The following LOC128462377 variants were observed in gnomAD, a reference collection of about 807,000 sequenced individuals.
chr16:89,323,800 G>A, the LOC128462377 span: 1 of 243,418 alleles, frequency 4.1e-6, no homozygotes, highest in South Asian at 4.6e-5. Context: ...CCCTCCTCAG[G>A]GCCACACCAA....
chr16:89,417,231 C>G, the LOC128462377 span, among the ~76,000 whole-genome samples: 1 of 152,342 alleles, frequency 6.6e-6, no homozygotes, highest in African/African-American at 2.4e-5. Context: ...AACTATGAAG[C>G]TCCCGAAAGA....
the LOC128462377 span, among the ~76,000 whole-genome samples, chr16:89,326,874 C>A: frequency 6.6e-6 from 1 of 152,238 alleles, no homozygotes; most frequent in African/African-American, 2.4e-5. Context: ...CTGCTGGTGG[C>A]ATCCGGGCAC....
the LOC128462377 span, among the ~76,000 whole-genome samples, chr16:89,411,711 C>T: frequency 1.3e-5 from 2 of 152,128 alleles, no homozygotes; most frequent in South Asian, 4.1e-4. Flanking sequence ...ATTCGGAACC[C>T]ACCACTATCC....
the LOC128462377 span, chr16:89,323,313 A>G: frequency 1.2e-5 from 15 of 1,288,788 alleles, no homozygotes; most frequent in African/African-American, 1.5e-5. Flanking sequence ...CCTATGACCC[A>G]CAGCACTGTG....
chr16:89,378,541 C>T, the LOC128462377 span, among the ~76,000 whole-genome samples: 1 of 152,142 alleles, frequency 6.6e-6, no homozygotes, highest in Non-Finnish European at 1.5e-5. Context: ...AATGTACGTG[C>T]TATAAGGCTA....
At chr16:89,372,451 C>T in the LOC128462377 span, among the ~76,000 whole-genome samples, 13 of 152,124 alleles carry the variant, frequency 8.5e-5, no homozygotes, top group African/African-American at 2.9e-4. Flanking sequence ...CGGCTCAGGG[C>T]ACCAGCTGCC....
chr16:89,371,464 C>A, the LOC128462377 span, among the ~76,000 whole-genome samples: 1 of 152,334 alleles, frequency 6.6e-6, no homozygotes, highest in East Asian at 1.9e-4. Context: ...GGGCCGCTGA[C>A]GCCAGCAGCT....
chr16:89,331,174 G>A, the LOC128462377 span, among the ~76,000 whole-genome samples: 308 of 152,248 alleles, frequency 2.0e-3, 1 homozygote, highest in Middle Eastern at 6.8e-3. Context: ...GGCTGGTCTC[G>A]AACTCCTGAC....
chr16:89,365,370 C>A, the LOC128462377 span, among the ~76,000 whole-genome samples: 142 of 152,186 alleles, frequency 9.3e-4, no homozygotes, highest in Non-Finnish European at 1.5e-4. Context: ...AAATCACTGG[C>A]TGCAAAGCAC....
the LOC128462377 span, among the ~76,000 whole-genome samples, chr16:89,397,822 G>A: frequency 9.4e-4 from 143 of 152,326 alleles, 1 homozygote; most frequent in Admixed American, 4.2e-3. Context: ...AGGGACAAGC[G>A]GCCCGTGCCA....
At chr16:89,387,444 G>T in the LOC128462377 span, among the ~76,000 whole-genome samples, 1 of 150,232 alleles carries the variant, frequency 6.7e-6, no homozygotes. Flanking sequence ...AGGCTGAGGC[G>T]GGCAGATCAC....
At chr16:89,345,698 A>G in the LOC128462377 span, among the ~76,000 whole-genome samples, 1 of 152,250 alleles carries the variant, frequency 6.6e-6, no homozygotes, top group African/African-American at 2.4e-5. Context: ...CTGGCTCAGC[A>G]CGAGCTGAGT....
At chr16:89,395,500 G>A in the LOC128462377 span, among the ~76,000 whole-genome samples, 4 of 152,200 alleles carry the variant, frequency 2.6e-5, no homozygotes, top group African/African-American at 7.2e-5. Context: ...AGGAACAGAC[G>A]CACAGACCCA....
At chr16:89,349,134 TAAA>T in the LOC128462377 span, among the ~76,000 whole-genome samples, 8 of 16,578 alleles carry the variant, frequency 4.8e-4, no homozygotes, top group African/African-American at 8.4e-4. Context: ...TCTCAAAAAG[TAAA>T]AAAAAAAAAA....
chr16:89,374,115 G>A, the LOC128462377 span, among the ~76,000 whole-genome samples: 1 of 152,196 alleles, frequency 6.6e-6, no homozygotes, highest in African/African-American at 2.4e-5. Flanking sequence ...TAGTTTTACT[G>A]GTGATTTTCT....
chr16:89,341,280 C>T, the LOC128462377 span, among the ~76,000 whole-genome samples: 1 of 152,190 alleles, frequency 6.6e-6, no homozygotes, highest in Non-Finnish European at 1.5e-5. Context: ...CCATTTCTCT[C>T]TGCATTAAAT....
the LOC128462377 span, among the ~76,000 whole-genome samples, chr16:89,345,938 T>C: frequency 3.0e-3 from 461 of 151,720 alleles, 4 homozygotes; most frequent in African/African-American, 0.01. Context: ...AGCCTCTGAG[T>C]AAAGAACAAG....
chr16:89,377,079 G>C, the LOC128462377 span, among the ~76,000 whole-genome samples: 1 of 152,202 alleles, frequency 6.6e-6, no homozygotes, highest in Non-Finnish European at 1.5e-5. Context: ...GTAAGGAACT[G>C]CCTTAAATGT....
At chr16:89,366,008 G>A in the LOC128462377 span, among the ~76,000 whole-genome samples, 3 of 151,848 alleles carry the variant, frequency 2.0e-5, no homozygotes, top group Non-Finnish European at 4.4e-5. Context: ...AGGGCCTCCA[G>A]GCTCTATCCA....
Sources: allele counts gnomAD v4.1 joint callset (sites outside exome capture counted in the v4.1 genomes callset), GRCh38; gene constraint gnomAD v4.1.1; transcripts MANE v1.5.